Variants in NPSR1 observed in about 807,000 individuals in gnomAD.
NPSR1 encodes the protein neuropeptide S receptor 1.
A neutral mutation model predicts 46.9 loss-of-function variants in NPSR1; 48 were observed. The ratio of observed to expected loss-of-function variants is 1.02; its 90% CI spans 0.81 to 1.30. The LOEUF (loss-of-function observed/expected upper bound fraction) is 1.30. Ranked by LOEUF, NPSR1 falls within the 50% of genes most tolerant of loss-of-function variation. The probability of loss-of-function intolerance (pLI) is 0.00; values close to 1 mark genes in which losing one functional copy is unlikely to be tolerated. For synonymous variants in NPSR1, 176 were observed against 168.1 expected (o/e 1.05, Z -0.36); for missense variants, 450 against 449.5 (o/e 1.00, Z -0.01).
chr7:34,827,478 G>A lies in NPSR1; in HGVS notation c.556G>A (p.Gly186Arg), dbSNP rs1295232920. 6.2e-7 allele frequency: 1 copy of A among 1,613,964 alleles called. No homozygotes were observed. Among genetic ancestry groups the A allele is most frequent in the African/African-American group, 1.3e-5 (1 of 74,896 alleles). The change falls in exon 5 of 9, where the codon GGG (glycine) becomes AGG (arginine). Residue 186 changes from glycine to arginine, a missense_variant. By Grantham distance (125) the Gly-to-Arg change is moderately radical. Transcript: ENST00000360581. The part of the protein sequence containing the change: ...LFSIPTLIIF[G>R]KRTLSNGEVQ... ...CTCCATTCCCACCCTGATCATATTTGGGAAGAGGACACTGTCCAACGGTGA... is the reference window on the plus strand; with the variant it reads ...CTCCATTCCCACCCTGATCATATTTAGGAAGAGGACACTGTCCAACGGTGA...
At chr7:34,714,531 T>C (rs971466176) in intron 2 of NPSR1, among the ~76,000 whole-genome samples, 5 of 152,208 alleles carry the variant, frequency 3.3e-5, no homozygotes, top group African/African-American at 1.2e-4. Context: ...AAAACTCTCC[T>C]GTAGAAGGAC....
At chr7:34,754,887 A>G (rs759692882) in intron 2 of NPSR1, among the ~76,000 whole-genome samples, 1 of 152,212 alleles carries the variant, frequency 6.6e-6, no homozygotes, top group Non-Finnish European at 1.5e-5. Flanking sequence ...ATCATGTAAT[A>G]TATTATCTTT....
At chr7:34,792,538 T>C (rs962882678) in intron 3 of NPSR1, among the ~76,000 whole-genome samples, 5 of 136,566 alleles carry the variant, frequency 3.7e-5, no homozygotes, top group South Asian at 2.3e-4. Flanking sequence ...TGTACATATA[T>C]ACACACACAC....
rs35634676 is a variant in NPSR1, at chr7:34,797,567, A to C, written c.385-14203A>C. Reference sequence around the variant, plus strand: ...CAATTACACAAAGTGTAGCACACACATATAACAGAAATACCAAAAAAAGAA... The same window carrying C: ...CAATTACACAAAGTGTAGCACACACCTATAACAGAAATACCAAAAAAAGAA... On this transcript the variant is annotated intron_variant, in intron 3 of 8. Transcript: ENST00000360581. Among the ~76,000 whole-genome samples, 1,327 of 152,336 alleles carry C rather than the reference A, an allele frequency of 8.7e-3. 29 individuals carry two copies. The highest frequency in any genetic ancestry group is 0.03 in the African/African-American group (1,265 of 41,580).
chr7:34,699,813 C>T (rs62464156), intron 2 of NPSR1, among the ~76,000 whole-genome samples: 2,994 of 152,190 alleles, frequency 0.02, 46 homozygotes, highest in African/African-American at 0.039. Context: ...TAGGGGAATA[C>T]AAACCTTCAG....
chr7:34,837,042 A>G (rs1446067368), intron 6 of NPSR1, among the ~76,000 whole-genome samples: 1 of 152,220 alleles, frequency 6.6e-6, no homozygotes, highest in African/African-American at 2.4e-5. Context: ...TAGACAGATG[A>G]TAGCTAGAGA....
intron 2 of NPSR1, among the ~76,000 whole-genome samples, chr7:34,695,595 A>C (rs1793479190): frequency 6.6e-6 from 1 of 152,160 alleles, no homozygotes; most frequent in African/African-American, 2.4e-5. Flanking sequence ...AGGAACTAAG[A>C]CAAATCAACA....
rs1174870677 is a variant in NPSR1, at chr7:34,790,775, T to G, written c.384+12210T>G. 8.9e-3 allele frequency among the ~76,000 whole-genome samples: 1,119 copies of G among 125,506 alleles called. 64 individuals are homozygous for G. The highest frequency in any genetic ancestry group is 0.018 in the East Asian group (76 of 4,176). 82.3% of individuals were successfully genotyped at this position (125,506 alleles called of 152,430 possible). On this transcript the variant is annotated intron_variant, in intron 3 of 8. Transcript: ENST00000360581. ...TATGTTATATGTTATATATAATATA[T>G]GTTATATGTTATATATATGTTATAG...
At chr7:34,866,219 A>G (rs575818562) in intron 8 of NPSR1, among the ~76,000 whole-genome samples, 3 of 151,940 alleles carry the variant, frequency 2.0e-5, no homozygotes, top group Admixed American at 6.5e-5. Context: ...TCAGCACACT[A>G]TGGCTGAGAG....
At chr7:34,754,709 G>A (rs1785731849) in intron 2 of NPSR1, among the ~76,000 whole-genome samples, 2 of 152,096 alleles carry the variant, frequency 1.3e-5, no homozygotes, top group African/African-American at 4.8e-5. Context: ...TCACAGATAT[G>A]TATAACCATC....
rs1583945364 is a variant in NPSR1, at chr7:34,751,492, T to C, written c.281-26970T>C. ...GCGGATTAGTTCTGCCTCCGTGTCA[T>C]CTGCTGCCCCAACCAGCCCCAGCTC... On this transcript the variant is annotated intron_variant, in intron 2 of 8. Coordinates refer to ENST00000360581, the MANE Select transcript of NPSR1 (RefSeq NM_207172.2). 4 of 1,343,050 alleles carry C rather than the reference T, an allele frequency of 3.0e-6. No individual in the cohort carries two copies. In the East Asian group the frequency reaches 9.2e-5, roughly 31 times the overall value. The allele number at this position is 1,343,050 out of a possible 1,614,324, so 83.2% of individuals were successfully genotyped here. A position where few individuals can be genotyped will look rare whatever the true frequency, so the allele number is the denominator to read the frequency against.
intron 2 of NPSR1, among the ~76,000 whole-genome samples, chr7:34,753,932 C>A (rs918028975): frequency 6.6e-6 from 1 of 151,630 alleles, no homozygotes; most frequent in Non-Finnish European, 1.5e-5. Flanking sequence ...TCAGGGCAGC[C>A]CAAAGGGATT....
intron 3 of NPSR1, among the ~76,000 whole-genome samples, chr7:34,787,518 A>G (rs1787518890): frequency 6.6e-6 from 1 of 152,112 alleles, no homozygotes; most frequent in Non-Finnish European, 1.5e-5. Flanking sequence ...TTACATTCAC[A>G]ACTTGGCTAA....
At chr7:34,740,639 G>A (rs1233841120) in intron 2 of NPSR1, among the ~76,000 whole-genome samples, 1 of 152,112 alleles carries the variant, frequency 6.6e-6, no homozygotes, top group Non-Finnish European at 1.5e-5. Flanking sequence ...TCCAGGTATG[G>A]TCAGAATATT....
At chr7:34,676,876 A>T (rs548079107) in intron 1 of NPSR1, among the ~76,000 whole-genome samples, 6 of 152,000 alleles carry the variant, frequency 3.9e-5, no homozygotes, top group African/African-American at 1.5e-4. Context: ...AGAAAACTCC[A>T]AAAGATGTGG....
At chr7:34,801,628 A>T (rs1444284650) in intron 3 of NPSR1, among the ~76,000 whole-genome samples, 6 of 144,776 alleles carry the variant, frequency 4.1e-5, no homozygotes, top group African/African-American at 1.7e-4. Flanking sequence ...AATGGGCAAA[A>T]ACTGGAAGCA....
At chr7:34,868,312 A>C (rs1002543841) in intron 8 of NPSR1, among the ~76,000 whole-genome samples, 1 of 151,592 alleles carries the variant, frequency 6.6e-6, no homozygotes, top group Non-Finnish European at 1.5e-5. Flanking sequence ...TCTGCACCAC[A>C]CAACACTCTG....
In NPSR1 at chr7:34,848,360, C is replaced by A. The variant is rs1279273897; in HGVS notation, c.845-123C>A. ...TCAATGCTCCAAACAACATCAAACT[C>A]CAATATTTCTGAGAAATTCCAGGTC... On this transcript the variant is annotated intron_variant, in intron 7 of 8. Coordinates refer to ENST00000360581, the MANE Select transcript of NPSR1 (RefSeq NM_207172.2). 3 of 777,022 alleles carry A rather than the reference C, an allele frequency of 3.9e-6. No individual in the cohort carries two copies. The African/African-American group carries it at 5.2e-5, about 13-fold the overall frequency. 48.1% of individuals were successfully genotyped at this position (777,022 alleles called of 1,614,324 possible). A position where few individuals can be genotyped will look rare whatever the true frequency, so the allele number is the denominator to read the frequency against.
rs563211823 is a variant in NPSR1 at position 34,732,881 on chromosome 7, C to T, written c.281-45581C>T. ...GCTAATTCCTAATGATGGTGGTGGC[C>T]GTTAAGAGTGAAATTGGTAGTTCTT... is the stretch of plus-strand genomic sequence containing the variant. On this transcript the variant is annotated intron_variant, in intron 2 of 8. Transcript: ENST00000360581. 7.2e-5 allele frequency among the ~76,000 whole-genome samples: 11 copies of T among 151,978 alleles called. No individual in the cohort carries two copies. The South Asian group carries it at 1.7e-3, about 23-fold the overall frequency.
Sources: gnomAD v4.1 joint callset for allele counts (sites outside exome capture counted in the v4.1 genomes callset) on GRCh38, gnomAD v4.1.1 for gene constraint, MANE v1.5 for transcripts, NCBI Gene and HGNC (gene_info 2026-07-23, HGNC 2026-07-21) for gene names.